The following GRIA3 variants were observed in gnomAD, a reference collection of about 807,000 sequenced individuals.
The protein encoded by GRIA3 is glutamate ionotropic receptor AMPA type subunit 3, also known as glutamate receptor 3.
In GRIA3, 3 loss-of-function variants were observed where a neutral mutation model predicts 63.0. The observed-to-expected ratio is 0.05, with a 90% CI of 0.02 to 0.12. GRIA3 has a LOEUF of 0.12. Ranked by LOEUF, GRIA3 falls within the 10% of genes least tolerant of loss-of-function variation. The probability of loss-of-function intolerance (pLI) is 1.00; values close to 1 mark genes in which losing one functional copy is unlikely to be tolerated. For synonymous variants in GRIA3, 274 were observed against 257.9 expected, an observed-to-expected ratio of 1.06 and a Z score of -0.60; for missense variants, 347 against 700.9, an observed-to-expected ratio of 0.50 and a Z score of 5.70.
At chrX:123,219,088 C>T (rs1359733856) in intron 2 of GRIA3, among the ~76,000 whole-genome samples, 1 of 111,964 alleles carries the variant, frequency 8.9e-6, no homozygotes, top group East Asian at 2.8e-4. Flanking sequence ...CTACTTTACC[C>T]TGAACATAGC....
chrX:123,402,473 T>G (rs2045448710), intron 7 of GRIA3, among the ~76,000 whole-genome samples: 1 of 110,256 alleles, frequency 9.1e-6, no homozygotes, highest in African/African-American at 3.3e-5. Flanking sequence ...TTTTCAATCT[T>G]ACAGATTAAG....
intron 3 of GRIA3, among the ~76,000 whole-genome samples, chrX:123,262,736 G>A (rs893307683): frequency 4.5e-5 from 5 of 111,787 alleles, no homozygotes; most frequent in Non-Finnish European, 7.5e-5. Flanking sequence ...GTGAAGTACC[G>A]TGGGAGTCCA....
intron 2 of GRIA3, among the ~76,000 whole-genome samples, chrX:123,209,276 A>AAGG (rs1446522895): frequency 2.7e-5 from 3 of 112,000 alleles, no homozygotes; most frequent in African/African-American, 9.7e-5. Context: ...TCTACTACAT[A>AAGG]AGGCTGTTGA....
At chrX:123,463,576 A>AAGGAAGGAAGGGAGGG (rs1569440728) in intron 12 of GRIA3, among the ~76,000 whole-genome samples, 1 of 13,736 alleles carries the variant, frequency 7.3e-5, no homozygotes, top group African/African-American at 3.6e-4. Flanking sequence ...GGAAGGAAGG[A>AAGGAAGGAAGGGAGGG]AGGGAGGGAG....
At position 123,479,156 on chromosome X, in the gene GRIA3, T is replaced by G. The variant is rs961684649; in HGVS notation, c.2325-907T>G. On this transcript the variant is annotated intron_variant, in intron 13 of 15. Coordinates refer to ENST00000620443, the MANE Select transcript of GRIA3 (RefSeq NM_007325.5). Reference sequence around the variant, plus strand: ...GCCTCTTAGTTGAGGAAGTCTTATCTTACTAGAACAATTAAACTATTTCTC... The same window carrying G: ...GCCTCTTAGTTGAGGAAGTCTTATCGTACTAGAACAATTAAACTATTTCTC... 5.3e-5 allele frequency among the ~76,000 whole-genome samples: 6 copies of G among 112,864 alleles called. No homozygotes were observed. In the East Asian group the frequency reaches 1.7e-3, roughly 31 times the overall value.
chrX:123,260,465 G>A (rs12834044), intron 3 of GRIA3, among the ~76,000 whole-genome samples: 33 of 2,273 alleles, frequency 0.015, no homozygotes, highest in African/African-American at 0.031. Context: ...AGAAAGGAAG[G>A]AAGAAGAAAG....
At chrX:123,465,629 A>C (rs2045829814) in intron 13 of GRIA3, 1 of 993,965 alleles carries the variant, frequency 1.0e-6, no homozygotes, top group African/African-American at 1.9e-5. Flanking sequence ...ACGATTTCCT[A>C]AGCATTTGTG....
At chrX:123,279,357 CAG>C (rs778024963) in intron 3 of GRIA3, among the ~76,000 whole-genome samples, 2 of 111,388 alleles carry the variant, frequency 1.8e-5, no homozygotes, top group Admixed American at 9.6e-5. Flanking sequence ...AATGTAAAGA[CAG>C]TGGATGTTAT....
chrX:123,423,151 T>C (rs2045571649), intron 11 of GRIA3, among the ~76,000 whole-genome samples: 1 of 111,497 alleles, frequency 9.0e-6, no homozygotes, highest in Non-Finnish European at 1.9e-5. Flanking sequence ...GGGGAATTAT[T>C]ACAGAGAAAA....
chrX:123,349,417 A>G (rs1401528772), intron 4 of GRIA3, among the ~76,000 whole-genome samples: 1 of 112,564 alleles, frequency 8.9e-6, no homozygotes, highest in Non-Finnish European at 1.9e-5. Flanking sequence ...TGCAATGTTA[A>G]AGTCTGGAAA....
At chrX:123,280,091 A>G (rs1258696177) in intron 3 of GRIA3, among the ~76,000 whole-genome samples, 1 of 111,799 alleles carries the variant, frequency 8.9e-6, no homozygotes, top group Non-Finnish European at 1.9e-5. Flanking sequence ...TCCATCTTGC[A>G]ACCAGAGAAA....
At chrX:123,326,775 G>C (rs981281054) in intron 4 of GRIA3, among the ~76,000 whole-genome samples, 1 of 111,348 alleles carries the variant, frequency 9.0e-6, no homozygotes, top group Admixed American at 9.5e-5. Flanking sequence ...GAGAGAGAGA[G>C]AACAATTTAA....
chrX:123,210,864 G>A (rs1928025197), intron 2 of GRIA3, among the ~76,000 whole-genome samples: 1 of 111,890 alleles, frequency 8.9e-6, no homozygotes, highest in African/African-American at 3.2e-5. Flanking sequence ...GAAAATAGAT[G>A]TAAGGTACAT....
At chrX:123,195,929 T>A (rs2147250754) in intron 2 of GRIA3, among the ~76,000 whole-genome samples, 1 of 111,798 alleles carries the variant, frequency 8.9e-6, no homozygotes, top group Admixed American at 9.5e-5. Flanking sequence ...ATCTAGTAGC[T>A]TTTCATGACT....
chrX:123,269,693 G>A (rs758295428), intron 3 of GRIA3, among the ~76,000 whole-genome samples: 2 of 111,636 alleles, frequency 1.8e-5, no homozygotes, highest in South Asian at 7.6e-4. Context: ...TTTTGGAATC[G>A]CAATACTGGT....
chrX:123,255,710 G>T (rs1273449443), intron 3 of GRIA3, among the ~76,000 whole-genome samples: 1 of 108,113 alleles, frequency 9.2e-6, no homozygotes, highest in African/African-American at 3.4e-5. Flanking sequence ...AAATAGTTTG[G>T]ACAAGTCTAT....
intron 2 of GRIA3, among the ~76,000 whole-genome samples, chrX:123,231,232 C>T (rs977016603): frequency 9.0e-6 from 1 of 111,629 alleles, no homozygotes; most frequent in African/African-American, 3.3e-5. Context: ...CTGGTGAGAA[C>T]GATAAACCCG....
intron 3 of GRIA3, among the ~76,000 whole-genome samples, chrX:123,275,887 T>C (rs1305231808): frequency 3.6e-5 from 4 of 112,442 alleles, no homozygotes; most frequent in African/African-American, 1.3e-4. Flanking sequence ...GTATCTAGCT[T>C]CTATCTGTCT....
chrX:123,315,331 G>A (rs1261792583), intron 3 of GRIA3, among the ~76,000 whole-genome samples: 2 of 112,190 alleles, frequency 1.8e-5, no homozygotes, highest in Admixed American at 1.9e-4. Flanking sequence ...ACATCCATAT[G>A]CAAATATAAA....
Sources: gnomAD v4.1 joint callset for allele counts (sites outside exome capture counted in the v4.1 genomes callset) on GRCh38, gnomAD v4.1.1 for gene constraint, MANE v1.5 for transcripts, NCBI Gene and HGNC (gene_info 2026-07-23, HGNC 2026-07-21) for gene names.